The following GRM8 variants were observed in gnomAD, a reference collection of about 807,000 sequenced individuals.
GRM8 encodes the protein glutamate metabotropic receptor 8, also known as metabotropic glutamate receptor 8.
A neutral mutation model predicts 87.2 loss-of-function variants in GRM8; 47 were observed. The ratio of observed to expected loss-of-function variants is 0.54; its 90% CI spans 0.43 to 0.69. GRM8 has a LOEUF of 0.69. GRM8 is among the 30% of genes least tolerant of loss of function. GRM8 has a pLI of 0.00. For missense variants in GRM8, 1,019 were observed against 1,139.2 expected (o/e 0.89, Z 1.52); for synonymous variants, 396 against 404.5 (o/e 0.98, Z 0.25).
intron 3 of GRM8, among the ~76,000 whole-genome samples, chr7:126,927,169 T>G (rs1274128027): frequency 6.6e-6 from 1 of 152,202 alleles, no homozygotes; most frequent in Non-Finnish European, 1.5e-5. Flanking sequence ...AAGGTCTCAC[T>G]CCATCACCCA....
chr7:126,858,619 T>C (rs1797886734), intron 6 of GRM8, among the ~76,000 whole-genome samples: 1 of 152,192 alleles, frequency 6.6e-6, no homozygotes, highest in South Asian at 2.1e-4. Context: ...CAATCTTCCA[T>C]TGGCATGATA....
In GRM8 at chr7:127,243,139, G is replaced by A. The variant is rs1798403476; in HGVS notation, c.66C>T (p.Tyr22=). The change falls in exon 2 of 11, where the codon TAC becomes TAT. Residue 22 remains tyrosine, a synonymous_variant. Coordinates refer to ENST00000339582, the MANE Select transcript of GRM8 (RefSeq NM_000845.3). ...TTCTTTGCATCATTGTGAGGATCCA[G>A]TAGAACTTGGCGGTCAAGAGGAAGA... ...PCFFLLTAKF[Y]WILTMMQRTH... The A allele has an allele frequency of 6.2e-7, 1 of 1,613,732 alleles. No individual in the cohort carries two copies. Among genetic ancestry groups the A allele is most frequent in the Non-Finnish European group, 8.5e-7 (1 of 1,179,830 alleles).
At chr7:126,462,102 TA>T (rs145715442) in intron 9 of GRM8, among the ~76,000 whole-genome samples, 2,563 of 151,718 alleles carry the variant, frequency 0.017, 95 homozygotes, top group African/African-American at 0.059. Flanking sequence ...TCTTTTGCAA[TA>T]AAACTAGTTA....
chr7:126,592,328 A>C (rs962868165), intron 8 of GRM8, among the ~76,000 whole-genome samples: 3 of 152,004 alleles, frequency 2.0e-5, no homozygotes, highest in Non-Finnish European at 4.4e-5. Context: ...CTACAAAAAA[A>C]AAGAAAAACC....
intron 6 of GRM8, among the ~76,000 whole-genome samples, chr7:126,803,440 A>G (rs976923942): frequency 1.3e-5 from 2 of 152,240 alleles, no homozygotes; most frequent in African/African-American, 4.8e-5. Context: ...ATATACTTAT[A>G]TAGAAAGGTA....
chr7:126,993,254 C>T (rs1812852878), intron 3 of GRM8, among the ~76,000 whole-genome samples: 1 of 151,928 alleles, frequency 6.6e-6, no homozygotes, highest in South Asian at 2.1e-4. Context: ...GGATAATTCA[C>T]AATAGGCAAA....
intron 6 of GRM8, among the ~76,000 whole-genome samples, chr7:126,870,990 C>G (rs1211660971): frequency 2.0e-5 from 3 of 152,182 alleles, no homozygotes; most frequent in Non-Finnish European, 2.9e-5. Context: ...TTTGCTATAT[C>G]TTGGCCTTCT....
rs530784197 is a variant in GRM8, at chr7:127,040,685, G to A, written c.727+65811C>T. Reference sequence around the variant, plus strand: ...ATGGCCCCACTGAGGCTTGTCCAAAGCAAGGCCCAGTTTACTAACCCCGGA... The same window carrying A: ...ATGGCCCCACTGAGGCTTGTCCAAAACAAGGCCCAGTTTACTAACCCCGGA... On this transcript the variant is annotated intron_variant, in intron 3 of 10. Coordinates refer to ENST00000339582, the MANE Select transcript of GRM8 (RefSeq NM_000845.3). Among the ~76,000 whole-genome samples, 5 of 151,960 alleles carry A rather than the reference G, an allele frequency of 3.3e-5. No homozygotes were observed. The East Asian group carries it at 7.7e-4, about 24-fold the overall frequency.
chr7:126,995,680 A>C (rs918723304), intron 3 of GRM8, among the ~76,000 whole-genome samples: 3 of 152,262 alleles, frequency 2.0e-5, no homozygotes, highest in Admixed American at 6.5e-5. Flanking sequence ...ACAAAATAAA[A>C]AGGAATAAAA....
chr7:127,186,359 C>A (rs1449498550), intron 2 of GRM8, among the ~76,000 whole-genome samples: 1 of 152,210 alleles, frequency 6.6e-6, no homozygotes, highest in Non-Finnish European at 1.5e-5. Flanking sequence ...TGTGTCCAAT[C>A]TGCCCCAGCA....
chr7:126,583,700 G>T (rs1007972681), intron 8 of GRM8, among the ~76,000 whole-genome samples: 4 of 152,182 alleles, frequency 2.6e-5, no homozygotes, highest in African/African-American at 9.7e-5. Flanking sequence ...TGACTGAATT[G>T]CTACAATCTC....
chr7:127,092,685 T>C (rs1204693137), intron 3 of GRM8, among the ~76,000 whole-genome samples: 2 of 152,124 alleles, frequency 1.3e-5, no homozygotes, highest in Non-Finnish European at 2.9e-5. Context: ...ACAGCCTGGG[T>C]GACAGAGTGA....
At chr7:126,723,962 A>G (rs1812699884) in intron 7 of GRM8, among the ~76,000 whole-genome samples, 1 of 152,160 alleles carries the variant, frequency 6.6e-6, no homozygotes, top group African/African-American at 2.4e-5. Context: ...CCTGGCCTCC[A>G]GGAGTTTACA....
chr7:127,017,137 T>C (rs1417267421), intron 3 of GRM8, among the ~76,000 whole-genome samples: 5 of 152,098 alleles, frequency 3.3e-5, no homozygotes, highest in African/African-American at 1.2e-4. Flanking sequence ...ACTGCAACTA[T>C]AATCTGTAGA....
At chr7:127,128,104 A>C (rs1414158454) in intron 2 of GRM8, among the ~76,000 whole-genome samples, 1 of 152,090 alleles carries the variant, frequency 6.6e-6, no homozygotes, top group Admixed American at 6.6e-5. Context: ...GCATTTCTCA[A>C]AAATATAAAA....
chr7:126,806,509 C>A (rs974074899), intron 6 of GRM8, among the ~76,000 whole-genome samples: 2 of 152,246 alleles, frequency 1.3e-5, no homozygotes, highest in Non-Finnish European at 2.9e-5. Context: ...CCACCCACAT[C>A]CTGCTGATTG....
intron 2 of GRM8, among the ~76,000 whole-genome samples, chr7:127,130,550 C>T (rs1359847417): frequency 3.9e-5 from 6 of 152,130 alleles, no homozygotes; most frequent in East Asian, 1.9e-4. Flanking sequence ...ATTTTGCCCC[C>T]GCCCTAGAGA....
chr7:126,870,292 T>A (rs73453319), intron 6 of GRM8: 15,001 of 152,218 alleles, frequency 0.099, 1,114 homozygotes, highest in Non-Finnish European at 0.13. Flanking sequence ...ACTTCCTCCA[T>A]ATCAGCAGTA....
intron 3 of GRM8, among the ~76,000 whole-genome samples, chr7:127,047,287 A>G (rs1466233094): frequency 6.6e-6 from 1 of 152,204 alleles, no homozygotes; most frequent in Non-Finnish European, 1.5e-5. Flanking sequence ...CCCCTTACAG[A>G]AAAAAACTGC....
Sources: gnomAD v4.1 joint callset for allele counts (sites outside exome capture counted in the v4.1 genomes callset) on GRCh38, gnomAD v4.1.1 for gene constraint, MANE v1.5 for transcripts, NCBI Gene and HGNC (gene_info 2026-07-23, HGNC 2026-07-21) for gene names.